TRIM67: variants seen among roughly 807,000 people sequenced by gnomAD.
TRIM67 encodes the protein tripartite motif containing 67.
TRIM67 carries 39 observed loss-of-function variants against 71.0 expected under a neutral mutation model. The observed-to-expected ratio is 0.55, with a 90% confidence interval of 0.43 to 0.72. TRIM67 has a LOEUF of 0.72. TRIM67 is among the 30% of genes least tolerant of loss of function. The pLI, the probability that TRIM67 is intolerant of heterozygous loss-of-function variation, is 0.00. For synonymous variants in TRIM67, 481 were observed against 473.9 expected (o/e 1.01, Z -0.19); for missense variants, 973 against 1,079.2 (o/e 0.90, Z 1.38).
chr1:231,173,522 T>A (rs1018984620), intron 1 of TRIM67, among the ~76,000 whole-genome samples: 2 of 152,158 alleles, frequency 1.3e-5, no homozygotes, highest in African/African-American at 4.8e-5. Flanking sequence ...AGGCAGCACA[T>A]TTCACAGAGA....
chr1:231,164,076 G>A (rs1682384312), intron 1 of TRIM67, 63 bp downstream of exon 1: 2 of 1,396,378 alleles, frequency 1.4e-6, no homozygotes, highest in Admixed American at 5.2e-5. Context: ...AAAGGCTTTT[G>A]GCCTCTCCCT....
rs553142623 is a variant in TRIM67 at position 231,220,282 on chromosome 1, G to A, written c.*4842G>A. Reference sequence around the variant, plus strand: ...TAGACCTTTAAGACAGGTTTCCTATGACCATAGAAAGTAACACCCCATATG... The same window carrying A: ...TAGACCTTTAAGACAGGTTTCCTATAACCATAGAAAGTAACACCCCATATG... On this transcript the variant is annotated 3_prime_UTR_variant, in exon 10 of 10. Coordinates refer to ENST00000366653, the MANE Select transcript of TRIM67 (RefSeq NM_001004342.5). 2 of 259,208 alleles carry A rather than the reference G, an allele frequency of 7.7e-6. No homozygotes were observed. Among genetic ancestry groups the A allele is most frequent in the South Asian group, 8.4e-5 (2 of 23,848 alleles). 16.1% of individuals were successfully genotyped at this position (259,208 alleles called of 1,614,324 possible).
intron 1 of TRIM67, chr1:231,187,700 G>T: frequency 1.2e-6 from 1 of 849,242 alleles, no homozygotes; most frequent in Non-Finnish European, 1.8e-6. Context: ...TGGGAGAGGC[G>T]GGGTGGGAAA....
chr1:231,209,012 A>C lies in TRIM67; in HGVS notation c.1885A>C (p.Thr629Pro). 4 of 1,612,654 alleles carry C rather than the reference A, an allele frequency of 2.5e-6. No individual in the cohort carries two copies. Among genetic ancestry groups the C allele is most frequent in the Non-Finnish European group, 3.4e-6 (4 of 1,178,888 alleles). Residue 629 changes from threonine (T) to proline (P), a missense_variant, in exon 8 of 10, where the codon ACA becomes CCA. This residue lies in a region of TRIM67 where 178 missense variants were observed against 247.9 expected (regional missense o/e 0.72). Coordinates refer to ENST00000366653, the MANE Select transcript of TRIM67 (RefSeq NM_001004342.5). This position sits in a 1 kb window ranked among gnomAD's most constrained non-coding sequence, Gnocchi z 4.1. Reference protein sequence around the residue: ...RDIILSNDNQTATCSSYDDRV... With the variant: ...RDIILSNDNQPATCSSYDDRV... ...CATCATTTTATCCAATGACAACCAGACAGCCACCTGCAGCAGCTATGACGA... is the reference window on the plus strand; with the variant it reads ...CATCATTTTATCCAATGACAACCAGCCAGCCACCTGCAGCAGCTATGACGA...
At chr1:231,192,906 G>A (rs1683271271) in intron 1 of TRIM67, among the ~76,000 whole-genome samples, 3 of 152,260 alleles carry the variant, frequency 2.0e-5, no homozygotes, top group Admixed American at 6.5e-5. Flanking sequence ...TTAGCCTGCG[G>A]TCACGGGTCT....
chr1:231,201,778 T>C (rs1236059793), intron 5 of TRIM67, among the ~76,000 whole-genome samples: 1 of 152,236 alleles, frequency 6.6e-6, no homozygotes, highest in Non-Finnish European at 1.5e-5. Context: ...CAACAATTAT[T>C]TGTTCATTCA....
Position 231,217,010 on chromosome 1 carries a change from G to A in TRIM67, c.*1570G>A, listed in dbSNP as rs141689662. ...GCTGGACTGGATTTTTATAAAATTC[G>A]CCCATTCACCAGCACCAACTGTGCG... On this transcript the variant is annotated 3_prime_UTR_variant, in exon 10 of 10. Transcript: ENST00000366653. 60 of 985,718 alleles carry A rather than the reference G, an allele frequency of 6.1e-5. No homozygotes were observed. The highest frequency in any genetic ancestry group is 7.1e-5 in the Non-Finnish European group (59 of 829,948). 61.1% of individuals were successfully genotyped at this position (985,718 alleles called of 1,614,324 possible).
At chr1:231,180,113 G>C (rs1682858410) in intron 1 of TRIM67, among the ~76,000 whole-genome samples, 1 of 152,228 alleles carries the variant, frequency 6.6e-6, no homozygotes, top group African/African-American at 2.4e-5. Context: ...TGAGGTGTTT[G>C]AGGGAAAGAG....
At chr1:231,212,423 C>G (rs548912283) in intron 8 of TRIM67, among the ~76,000 whole-genome samples, 15 of 152,232 alleles carry the variant, frequency 9.9e-5, no homozygotes, top group Middle Eastern at 3.4e-3. Flanking sequence ...CAACTCCTTA[C>G]GGAAGGGGGT....
chr1:231,175,746 C>T (rs112757212), intron 1 of TRIM67, among the ~76,000 whole-genome samples: 1 of 152,334 alleles, frequency 6.6e-6, no homozygotes, highest in African/African-American at 2.4e-5. Flanking sequence ...GCCTCACTTA[C>T]AAGATGTGGA....
intron 7 of TRIM67, among the ~76,000 whole-genome samples, chr1:231,207,908 TGGA>T (rs1265907899): frequency 6.6e-6 from 1 of 151,932 alleles, no homozygotes. Context: ...GGCTGCAAAA[TGGA>T]GAATTGAGCT....
At chr1:231,214,112 G>T (rs944650311) in intron 9 of TRIM67, 135 bp downstream of exon 9, 30 of 1,135,084 alleles carry the variant, frequency 2.6e-5, no homozygotes, top group Non-Finnish European at 3.5e-5. Context: ...TTATCAACTG[G>T]CCTGCCTTGG....
At chr1:231,208,899 G>T (rs750547205) in intron 7 of TRIM67, 48 bp from the exon 8 acceptor site, 6 of 1,513,424 alleles carry the variant, frequency 4.0e-6, no homozygotes, top group South Asian at 1.3e-5. Context: ...GAAACTACTA[G>T]CAAATTCCAT....
chr1:231,215,514 CAAAT>C lies in TRIM67; in HGVS notation c.*77_*80del. The C allele has an allele frequency of 6.7e-7, 1 of 1,491,486 alleles. No individual in the cohort carries two copies. Among genetic ancestry groups the C allele is most frequent in the South Asian group, 1.3e-5 (1 of 77,648 alleles). 92.4% of individuals were successfully genotyped at this position (1,491,486 alleles called of 1,614,324 possible). A position where few individuals can be genotyped will look rare whatever the true frequency, so the allele number is the denominator to read the frequency against. On this transcript the variant is annotated 3_prime_UTR_variant, in exon 10 of 10. Coordinates refer to ENST00000366653, the MANE Select transcript of TRIM67 (RefSeq NM_001004342.5). Reference sequence around the variant, plus strand: ...AAACGCCCACCATTCTCACTAAGCTCAAATAACCCACAAAAGCAGGATATGCAAA... The same window carrying C: ...AAACGCCCACCATTCTCACTAAGCTCAACCCACAAAAGCAGGATATGCAAA...
chr1:231,211,050 A>C (rs138800389), intron 8 of TRIM67, among the ~76,000 whole-genome samples: 1 of 135,612 alleles, frequency 7.4e-6, no homozygotes, highest in Non-Finnish European at 1.5e-5. Flanking sequence ...ATATATATAT[A>C]TTTTGTTTGT....
chr1:231,179,104 C>T (rs1332287543), intron 1 of TRIM67, among the ~76,000 whole-genome samples: 3 of 152,234 alleles, frequency 2.0e-5, no homozygotes, highest in African/African-American at 7.2e-5. Context: ...AAACAACAGA[C>T]ATTTCTTGTC....
rs878874459 is a variant in TRIM67, at chr1:231,217,111, C to G, written c.*1671C>G. The G allele has an allele frequency of 4.1e-6, 4 of 985,800 alleles. No homozygotes were observed. The highest frequency in any genetic ancestry group is 4.8e-6 in the Non-Finnish European group (4 of 830,024). 61.1% of individuals were successfully genotyped at this position (985,800 alleles called of 1,614,324 possible). On this transcript the variant is annotated 3_prime_UTR_variant, in exon 10 of 10. Transcript: ENST00000366653. ...TGCCTGCCGGAGCCATGCAGGTACC[C>G]CCCCTCCACTCAGCAGGCCCGACAA... is the stretch of plus-strand genomic sequence containing the variant.
At chr1:231,214,994 C>T (rs1211288011) in intron 9 of TRIM67, among the ~76,000 whole-genome samples, 1 of 151,990 alleles carries the variant, frequency 6.6e-6, no homozygotes, top group East Asian at 1.9e-4. Flanking sequence ...TAATTCCTCA[C>T]AGTTAATAGA....
chr1:231,207,406 G>A (rs1683735821), intron 7 of TRIM67, among the ~76,000 whole-genome samples: 1 of 152,188 alleles, frequency 6.6e-6, no homozygotes, highest in Non-Finnish European at 1.5e-5. Flanking sequence ...GGCAACAACA[G>A]CATGTTGATA....
Sources: gnomAD v4.1 joint callset for allele counts (sites outside exome capture counted in the v4.1 genomes callset) on GRCh38, gnomAD v4.1.1 for gene constraint, gnomAD v4.1.1 regional missense constraint, Gnocchi (gnomAD v3.1) non-coding constraint, MANE v1.5 for transcripts, NCBI Gene and HGNC (gene_info 2026-07-23, HGNC 2026-07-21) for gene names.